XPO7: variants seen among roughly 807,000 people sequenced by gnomAD.
XPO7 encodes exportin 7.
XPO7 carries 21 observed loss-of-function variants against 144.3 expected under a neutral mutation model. The ratio of observed to expected loss-of-function variants is 0.15; its 90% confidence interval spans 0.10 to 0.21. XPO7 has a LOEUF of 0.21. XPO7 is among the 10% of genes least tolerant of loss of function. XPO7 has a pLI of 1.00. For missense variants in XPO7, 808 were observed against 1,325.8 expected, an observed-to-expected ratio of 0.61 and a Z score of 6.06; for synonymous variants, 580 against 499.6, an observed-to-expected ratio of 1.16 and a Z score of -2.15.
chr8:21,962,154 CA>C (rs1811745666), intron 1 of XPO7, among the ~76,000 whole-genome samples: 1 of 152,136 alleles, frequency 6.6e-6, no homozygotes, highest in Non-Finnish European at 1.5e-5. Context: ...AAATAGTGTG[CA>C]TTTATAAACA....
At chr8:21,934,138 C>T (rs905079069) in intron 1 of XPO7, among the ~76,000 whole-genome samples, 22 of 152,286 alleles carry the variant, frequency 1.4e-4, no homozygotes, top group African/African-American at 5.3e-4. Context: ...TATAGATACT[C>T]AGTAAATTAT....
At chr8:22,001,580 G>A (rs1813149897) in intron 24 of XPO7, among the ~76,000 whole-genome samples, 1 of 152,186 alleles carries the variant, frequency 6.6e-6, no homozygotes, top group Non-Finnish European at 1.5e-5. Flanking sequence ...CAGGGGCTAC[G>A]TCATTCTGGG....
At chr8:21,933,391 C>T (rs900176634) in intron 1 of XPO7, among the ~76,000 whole-genome samples, 3 of 151,956 alleles carry the variant, frequency 2.0e-5, no homozygotes, top group East Asian at 1.9e-4. Flanking sequence ...TGAGCCACTG[C>T]GCCCGGCCCC....
intron 6 of XPO7, among the ~76,000 whole-genome samples, chr8:21,975,353 G>T (rs1812194895): frequency 6.6e-6 from 1 of 152,218 alleles, no homozygotes; most frequent in African/African-American, 2.4e-5. Flanking sequence ...AATTACCTGT[G>T]TTAAAATCGA....
At chr8:21,984,905 AT>A in intron 12 of XPO7, 66 bp downstream of exon 12, 2 of 1,528,320 alleles carry the variant, frequency 1.3e-6, no homozygotes, top group South Asian at 2.4e-5. Flanking sequence ...CCCTTCGCTC[AT>A]TGCCACCTCT....
At chr8:21,961,729 C>T (rs1168337012) in intron 1 of XPO7, among the ~76,000 whole-genome samples, 1 of 152,204 alleles carries the variant, frequency 6.6e-6, no homozygotes, top group Non-Finnish European at 1.5e-5. Flanking sequence ...GTGGCAGGAT[C>T]TTGGCTCACT....
intron 1 of XPO7, among the ~76,000 whole-genome samples, chr8:21,947,926 A>G (rs1472276282): frequency 6.6e-6 from 1 of 152,232 alleles, no homozygotes; most frequent in Non-Finnish European, 1.5e-5. Flanking sequence ...TGATAGAACT[A>G]TAGGATAAAA....
intron 1 of XPO7, among the ~76,000 whole-genome samples, chr8:21,933,048 A>T (rs1428927185): frequency 6.6e-6 from 1 of 151,382 alleles, no homozygotes; most frequent in Non-Finnish European, 1.5e-5. Context: ...CATATATCAC[A>T]TTCTAAGGTT....
At chr8:21,940,468 G>A (rs1810953859) in intron 1 of XPO7, among the ~76,000 whole-genome samples, 1 of 127,284 alleles carries the variant, frequency 7.9e-6, no homozygotes, top group South Asian at 2.4e-4. Flanking sequence ...AAGATACATA[G>A]TTAGGCTTTT....
chr8:21,927,224 TAA>T (rs34887734), intron 1 of XPO7, among the ~76,000 whole-genome samples: 36 of 151,530 alleles, frequency 2.4e-4, no homozygotes, highest in Admixed American at 1.6e-3. Context: ...CCAAGTCTTT[TAA>T]AAAAAATTAA....
At position 21,970,794 on chromosome 8, in the gene XPO7, T is replaced by C. The variant is rs747474421; in HGVS notation, c.426+484T>C. On this transcript the variant is annotated intron_variant, in intron 4 of 27. Transcript: ENST00000252512. The stretch of plus-strand genomic sequence containing the variant: ...ATACAACAGCAGTCCCGTAAAATTA[T>C]AATGGAACTGGAAAAAAAATGGAGC... Among the ~76,000 whole-genome samples, 323 of 152,026 alleles carry C rather than the reference T, an allele frequency of 2.1e-3. 1 individual carries two copies. Among genetic ancestry groups the C allele is most frequent in the Non-Finnish European group, 3.1e-3 (213 of 68,036 alleles).
chr8:21,938,876 C>T (rs1038081062), intron 1 of XPO7, among the ~76,000 whole-genome samples: 4 of 151,772 alleles, frequency 2.6e-5, no homozygotes, highest in Admixed American at 1.3e-4. Flanking sequence ...TTTATGTGTG[C>T]TGTTTAATGA....
chr8:21,919,888 C>T (rs1810208882), intron 1 of XPO7, 100 bp downstream of exon 1: 1 of 288,804 alleles, frequency 3.5e-6, no homozygotes. Flanking sequence ...CGGGACTCGG[C>T]AGGCCCGCGC....
At chr8:21,942,817 C>T (rs1169199631) in intron 1 of XPO7, among the ~76,000 whole-genome samples, 1 of 152,154 alleles carries the variant, frequency 6.6e-6, no homozygotes, top group Non-Finnish European at 1.5e-5. Flanking sequence ...AAGATGTGTC[C>T]TCAAGTTGAG....
In XPO7 at chr8:21,994,422, G is replaced by T; in HGVS notation, c.2208G>T (p.Lys736Asn). The T allele has an allele frequency of 6.2e-7, 1 of 1,612,168 alleles. No homozygotes were observed. Among genetic ancestry groups the T allele is most frequent in the South Asian group, 1.1e-5 (1 of 90,982 alleles). ...LRGIAFAFNAKTSFMMLFEWI... is the reference protein window; with the variant it reads ...LRGIAFAFNANTSFMMLFEWI... ...GGATCGCTTTCGCTTTCAATGCCAA[G>T]ACCAGCTTCATGATGCTCTTTGAAT... Residue 736 changes from lysine to asparagine, a missense_variant, in exon 20 of 28, where the codon AAG becomes AAT. Physicochemically the swap from Lys to Asn is moderately conservative, Grantham distance 94. Around this residue, in one of 5 missense-constraint regions of XPO7, gnomAD observed 416 missense variants for 612.5 expected, o/e 0.68. Coordinates refer to ENST00000252512, the MANE Select transcript of XPO7 (RefSeq NM_015024.5).
At chr8:21,963,908 A>G (rs908443202) in intron 1 of XPO7, among the ~76,000 whole-genome samples, 1 of 152,212 alleles carries the variant, frequency 6.6e-6, no homozygotes, top group Non-Finnish European at 1.5e-5. Flanking sequence ...TGAAATAAGA[A>G]TAACTTAGCT....
At chr8:21,976,814 C>T (rs934312461) in intron 7 of XPO7, among the ~76,000 whole-genome samples, 4 of 152,160 alleles carry the variant, frequency 2.6e-5, no homozygotes, top group Admixed American at 2.0e-4. Flanking sequence ...CCACCACACC[C>T]GGCTAATTTT....
chr8:21,988,926 T>A (rs898132129), intron 15 of XPO7, 77 bp from the exon 16 acceptor site: 3 of 1,377,052 alleles, frequency 2.2e-6, no homozygotes, highest in Non-Finnish European at 3.0e-6. Context: ...ATGAATGACT[T>A]TCTTCTTCTC....
chr8:22,001,614 T>C (rs1813150726), intron 24 of XPO7, among the ~76,000 whole-genome samples: 1 of 152,216 alleles, frequency 6.6e-6, no homozygotes, highest in Non-Finnish European at 1.5e-5. Flanking sequence ...CACTGGTAAC[T>C]CAGAGCATAG....
Sources: allele counts gnomAD v4.1 joint callset (sites outside exome capture counted in the v4.1 genomes callset), GRCh38; gene constraint gnomAD v4.1.1; regional missense constraint gnomAD v4.1.1; transcripts MANE v1.5; gene names NCBI Gene and HGNC (gene_info 2026-07-23, HGNC 2026-07-21).